PDE8B: variants seen among roughly 807,000 people sequenced by gnomAD.
PDE8B encodes phosphodiesterase 8B, also known as high affinity cAMP-specific and IBMX-insensitive 3',5'-cyclic phosphodiesterase 8B.
A neutral mutation model predicts 101.3 loss-of-function variants in PDE8B; 26 were observed. That is an observed-to-expected ratio of 0.26 (90% CI 0.19 to 0.36). The LOEUF (loss-of-function observed/expected upper bound fraction) is 0.36, where lower values mean the gene tolerates loss of function less well. Among genes scored for constraint, PDE8B ranks in the 10% least tolerant of loss-of-function variants. The pLI is 1.00. For synonymous variants in PDE8B, 424 were observed against 429.3 expected, an observed-to-expected ratio of 0.99 and a Z score of 0.15; for missense variants, 810 against 1,163.1, an observed-to-expected ratio of 0.70 and a Z score of 4.42.
chr5:77,407,942 C>G (rs1793812315), intron 13 of PDE8B, among the ~76,000 whole-genome samples: 1 of 152,098 alleles, frequency 6.6e-6, no homozygotes, highest in African/African-American at 2.4e-5. Context: ...ACAGCAGGGA[C>G]ATAGTTAGGA....
At chr5:77,270,514 C>G (rs1345217803) in intron 1 of PDE8B, among the ~76,000 whole-genome samples, 1 of 152,164 alleles carries the variant, frequency 6.6e-6, no homozygotes, top group Non-Finnish European at 1.5e-5. Flanking sequence ...TCACTTCTGC[C>G]TCTGCTTTGT....
chr5:77,129,825 C>T, the PDE8B span, among the ~76,000 whole-genome samples: 1 of 152,190 alleles, frequency 6.6e-6, no homozygotes. Flanking sequence ...CCTACCTCTA[C>T]ACTGTTTGAC....
intron 10 of PDE8B, among the ~76,000 whole-genome samples, chr5:77,374,221 A>G (rs1785627289): frequency 6.6e-6 from 1 of 151,984 alleles, no homozygotes; most frequent in Non-Finnish European, 1.5e-5. Flanking sequence ...GCTTGTTTGC[A>G]TGATGTATCT....
At chr5:77,093,574 C>A in the PDE8B span, among the ~76,000 whole-genome samples, 1 of 152,106 alleles carries the variant, frequency 6.6e-6, no homozygotes, top group South Asian at 2.1e-4. Context: ...CAGTGAGAAT[C>A]GTGTGAGCTG....
chr5:77,279,884 G>A (rs1434550418), intron 1 of PDE8B, among the ~76,000 whole-genome samples: 1 of 152,164 alleles, frequency 6.6e-6, no homozygotes, highest in African/African-American at 2.4e-5. Context: ...GGCGAGGGAG[G>A]CAGAGCATCC....
chr5:77,366,238 T>TA (rs1784107715), intron 10 of PDE8B, among the ~76,000 whole-genome samples: 2 of 152,104 alleles, frequency 1.3e-5, no homozygotes, highest in East Asian at 1.9e-4. Context: ...TTGGTTTTTT[T>TA]TAAAAAAAAT....
the PDE8B span, chr5:77,134,187 A>G: frequency 1.3e-5 from 2 of 152,232 alleles, no homozygotes; most frequent in African/African-American, 4.8e-5. Context: ...AATGGTTACT[A>G]AAGGCACAGC....
Position 77,291,208 on chromosome 5 carries a change from T to C in PDE8B, c.340-20786T>C. The C allele has an allele frequency of 3.7e-6, 6 of 1,610,640 alleles. No individual in the cohort carries two copies. In the South Asian group the frequency reaches 5.5e-5, roughly 15 times the overall value. The stretch of plus-strand genomic sequence containing the variant: ...AGGCGACTGTTTGTACATGAAAGCA[T>C]CCATCATGAGGTTGTAAACAGACTT... On this transcript the variant is annotated intron_variant, in intron 1 of 21. Coordinates refer to ENST00000264917, the MANE Select transcript of PDE8B (RefSeq NM_003719.5).
chr5:77,096,361 G>T, the PDE8B span, among the ~76,000 whole-genome samples: 1 of 152,108 alleles, frequency 6.6e-6, no homozygotes, highest in African/African-American at 2.4e-5. Flanking sequence ...TTCTGGTGGT[G>T]GTTGGCTGTC....
intron 1 of PDE8B, among the ~76,000 whole-genome samples, chr5:77,278,572 C>T (rs1280036020): frequency 6.6e-6 from 1 of 152,076 alleles, no homozygotes; most frequent in Admixed American, 6.5e-5. Flanking sequence ...CGGGTTCATG[C>T]CATTCTCCTG....
At position 77,427,611 on chromosome 5, in the gene PDE8B, G is replaced by C. The variant is rs1016774093; in HGVS notation, c.*1057G>C. 1.3e-5 allele frequency: 2 copies of C among 152,054 alleles called. No homozygotes were observed. Among genetic ancestry groups the C allele is most frequent in the Admixed American group, 1.3e-4 (2 of 15,256 alleles). The allele number at this position is 152,054 out of a possible 1,614,324, so 9.4% of individuals were successfully genotyped here. A position where few individuals can be genotyped will look rare whatever the true frequency, so the allele number is the denominator to read the frequency against. On this transcript the variant is annotated 3_prime_UTR_variant, in exon 22 of 22. Transcript: ENST00000264917. ...GCTTTAACAATGTTAAAATTGTGTG[G>C]TGTAAATATATCAGAAAATAGGCAT...
intron 1 of PDE8B, among the ~76,000 whole-genome samples, chr5:77,292,787 A>G (rs1767665652): frequency 6.6e-6 from 1 of 152,086 alleles, no homozygotes; most frequent in Non-Finnish European, 1.5e-5. Context: ...TTACTATCAT[A>G]TATTACTAAT....
the PDE8B span, among the ~76,000 whole-genome samples, chr5:77,098,292 T>TA: frequency 4.7e-5 from 4 of 85,784 alleles, no homozygotes; most frequent in Admixed American, 3.3e-4. Context: ...CTTTTTTTTT[T>TA]TAAAAAAAAA....
chr5:77,345,898 T>G (rs1333787445), intron 7 of PDE8B, among the ~76,000 whole-genome samples: 1 of 152,160 alleles, frequency 6.6e-6, no homozygotes, highest in African/African-American at 2.4e-5. Flanking sequence ...AATCTCCCAG[T>G]GCACACATAC....
In PDE8B at chr5:77,353,573, TTC is replaced by T. The variant is rs1491389611; in HGVS notation, c.1167+168_1167+169del. Among the ~76,000 whole-genome samples, 3 of 152,142 alleles carry T rather than the reference TTC, an allele frequency of 2.0e-5. No homozygotes were observed. The East Asian group carries it at 5.8e-4, about 29-fold the overall frequency. On this transcript the variant is annotated intron_variant, in intron 10 of 21. Transcript: ENST00000264917. Reference sequence around the variant, plus strand: ...TGGTTCCTCTGACAAATCTTTTTATTTCCCAGCAAACCTATATCACTTTATTT... The same window carrying T: ...TGGTTCCTCTGACAAATCTTTTTATTCCAGCAAACCTATATCACTTTATTT...
the PDE8B span, among the ~76,000 whole-genome samples, chr5:77,133,890 T>G: frequency 6.6e-6 from 1 of 152,162 alleles, no homozygotes. Flanking sequence ...TCCAATATAG[T>G]TGGCAAGTCA....
In PDE8B at chr5:77,291,926, C is replaced by T. The variant is rs1451534100; in HGVS notation, c.340-20068C>T. On this transcript the variant is annotated intron_variant, in intron 1 of 21. Coordinates refer to ENST00000264917, the MANE Select transcript of PDE8B (RefSeq NM_003719.5). ...TATGACTGTGACAGTGACTAATCCCCCTATGACCCCAAAGCCCTGATTAAA... is the reference window on the plus strand; with the variant it reads ...TATGACTGTGACAGTGACTAATCCCTCTATGACCCCAAAGCCCTGATTAAA... The T allele has an allele frequency of 2.5e-5, 21 of 824,660 alleles. 1 individual carries two copies. The highest frequency in any genetic ancestry group is 3.4e-4 in the Middle Eastern group (1 of 2,970). 51.1% of individuals were successfully genotyped at this position (824,660 alleles called of 1,614,324 possible).
intron 10 of PDE8B, among the ~76,000 whole-genome samples, chr5:77,397,645 C>T (rs1349986086): frequency 6.6e-6 from 1 of 152,178 alleles, no homozygotes; most frequent in Non-Finnish European, 1.5e-5. Context: ...TAGCTTGTTT[C>T]TTACATTACT....
At chr5:77,307,210 T>C (rs1388780669) in intron 1 of PDE8B, among the ~76,000 whole-genome samples, 1 of 152,092 alleles carries the variant, frequency 6.6e-6, no homozygotes, top group Non-Finnish European at 1.5e-5. Flanking sequence ...CTTTCCTGCC[T>C]CCATGCCTGT....
Sources: allele counts gnomAD v4.1 joint callset (sites outside exome capture counted in the v4.1 genomes callset), GRCh38; gene constraint gnomAD v4.1.1; transcripts MANE v1.5; gene names NCBI Gene and HGNC (gene_info 2026-07-23, HGNC 2026-07-21).